SLC4A4: variants seen among roughly 807,000 people sequenced by gnomAD.
SLC4A4 encodes the protein solute carrier family 4 member 4, also known as electrogenic sodium bicarbonate cotransporter 1.
In SLC4A4, 27 loss-of-function variants were observed where a neutral mutation model predicts 111.5. The ratio of observed to expected loss-of-function variants is 0.24; its 90% CI spans 0.18 to 0.33. The LOEUF is 0.33. Ranked by LOEUF, SLC4A4 falls within the 10% of genes least tolerant of loss-of-function variation. The probability of loss-of-function intolerance (pLI) is 1.00; values close to 1 mark genes in which losing one functional copy is unlikely to be tolerated. For synonymous variants in SLC4A4, 443 were observed against 463.4 expected (o/e 0.96, Z 0.57); for missense variants, 909 against 1,315.5 (o/e 0.69, Z 4.78).
At chr4:71,391,341 A>G (rs752705045) in intron 6 of SLC4A4, among the ~76,000 whole-genome samples, 3 of 152,062 alleles carry the variant, frequency 2.0e-5, no homozygotes, top group Non-Finnish European at 2.9e-5. Flanking sequence ...TTGGCTCATT[A>G]TGGAGGTATG....
intron 1 of SLC4A4, among the ~76,000 whole-genome samples, chr4:71,221,555 A>T (rs1718745600): frequency 1.3e-5 from 2 of 152,290 alleles, no homozygotes; most frequent in East Asian, 3.9e-4. Context: ...TGGGTGTTAA[A>T]AAAAAACACC....
chr4:71,533,456 C>G (rs1166237377), intron 17 of SLC4A4, among the ~76,000 whole-genome samples: 1 of 152,044 alleles, frequency 6.6e-6, no homozygotes, highest in African/African-American at 2.4e-5. Context: ...AAATAATTCA[C>G]AGTGTTCTAT....
Position 71,498,919 on chromosome 4 carries a change from T to C in SLC4A4, c.2166+1227T>C, listed in dbSNP as rs369949485. ...CTGTACTTTGCAGATAGTTACTGTT[T>C]TCCCAGCTCTGTGTTGTCTAAGAAT... is the stretch of plus-strand genomic sequence containing the variant. On this transcript the variant is annotated intron_variant, in intron 16 of 25. Transcript: ENST00000264485. 2.6e-5 allele frequency among the ~76,000 whole-genome samples: 4 copies of C among 152,178 alleles called. No individual in the cohort carries two copies. In the East Asian group the frequency reaches 5.8e-4, roughly 22 times the overall value.
chr4:71,103,862 C>G (rs1307101671), intron 2 of SLC4A4, among the ~76,000 whole-genome samples: 1 of 144,330 alleles, frequency 6.9e-6, no homozygotes, highest in African/African-American at 2.6e-5. Context: ...ATTAAAAGAA[C>G]TAGAAAAGCA....
intron 7 of SLC4A4, among the ~76,000 whole-genome samples, chr4:71,430,539 T>C (rs973311999): frequency 2.6e-5 from 4 of 152,172 alleles, no homozygotes; most frequent in African/African-American, 7.2e-5. Flanking sequence ...GTATCTGGGC[T>C]CTGCAGTAGA....
intron 7 of SLC4A4, among the ~76,000 whole-genome samples, chr4:71,400,449 G>A (rs1720252244): frequency 6.6e-6 from 1 of 152,150 alleles, no homozygotes; most frequent in African/African-American, 2.4e-5. Context: ...TAGATGAAGC[G>A]AGGAAAATTT....
intron 20 of SLC4A4, among the ~76,000 whole-genome samples, chr4:71,549,273 G>T (rs1162560005): frequency 2.0e-5 from 3 of 151,840 alleles, no homozygotes; most frequent in African/African-American, 7.3e-5. Context: ...TATCCTATAG[G>T]CACCAGCACA....
Position 71,531,754 on chromosome 4 carries a change from T to TACACAC in SLC4A4, c.2167-262_2167-257dup, listed in dbSNP as rs56164928. Among the ~76,000 whole-genome samples the TACACAC allele has an allele frequency of 3.3e-3, 424 of 128,196 alleles. 4 individuals carry two copies. The highest frequency in any genetic ancestry group is 0.012 in the African/African-American group (409 of 33,578). 84.1% of individuals were successfully genotyped at this position (128,196 alleles called of 152,430 possible). A position where few individuals can be genotyped will look rare whatever the true frequency, so the allele number is the denominator to read the frequency against. On this transcript the variant is annotated intron_variant, in intron 16 of 25. Transcript: ENST00000264485. Reference sequence around the variant, plus strand: ...GTTCTATTTGATTGCCCTCCCTGCCTACACACACACACACACACACACACA... The same window carrying TACACAC: ...GTTCTATTTGATTGCCCTCCCTGCCTACACACACACACACACACACACACACACACA...
chr4:71,270,860 C>T (rs891394184), intron 3 of SLC4A4, among the ~76,000 whole-genome samples: 22 of 152,216 alleles, frequency 1.4e-4, no homozygotes, highest in African/African-American at 5.1e-4. Flanking sequence ...ATGGTCTCAT[C>T]TGCACTGTCT....
At chr4:71,227,385 G>A (rs1719120213) in intron 1 of SLC4A4, among the ~76,000 whole-genome samples, 1 of 152,162 alleles carries the variant, frequency 6.6e-6, no homozygotes, top group South Asian at 2.1e-4. Context: ...AGATACCAAA[G>A]TGTGTTTTAT....
At chr4:71,426,504 G>T (rs569509945) in intron 7 of SLC4A4, among the ~76,000 whole-genome samples, 2 of 152,258 alleles carry the variant, frequency 1.3e-5, no homozygotes, top group African/African-American at 4.8e-5. Flanking sequence ...ATTAACCAAA[G>T]AAGCCAATTG....
intron 1 of SLC4A4, among the ~76,000 whole-genome samples, chr4:71,221,698 A>G (rs564929253): frequency 6.6e-6 from 1 of 152,208 alleles, no homozygotes; most frequent in Admixed American, 6.5e-5. Flanking sequence ...AACTTGAGTC[A>G]TGAACTTTGG....
intron 1 of SLC4A4, among the ~76,000 whole-genome samples, chr4:71,225,173 GAA>G (rs1476296560): frequency 1.3e-5 from 2 of 152,090 alleles, no homozygotes; most frequent in Non-Finnish European, 2.9e-5. Flanking sequence ...CCAACATGGT[GAA>G]ACCCCATCTC....
At chr4:71,291,119 A>G (rs1364160649) in intron 3 of SLC4A4, among the ~76,000 whole-genome samples, 1 of 152,238 alleles carries the variant, frequency 6.6e-6, no homozygotes, top group Non-Finnish European at 1.5e-5. Flanking sequence ...CTAGTTGAAT[A>G]AATGGAGGTG....
At chr4:71,123,462 T>G (rs530646139) in intron 2 of SLC4A4, among the ~76,000 whole-genome samples, 35 of 152,262 alleles carry the variant, frequency 2.3e-4, no homozygotes, top group African/African-American at 8.4e-4. Flanking sequence ...AAAAAATGAA[T>G]TCAAACCCAT....
At position 71,087,263 on chromosome 4, in the gene SLC4A4, AT is replaced by A. The variant is rs200923395; in HGVS notation, c.-64-5458del. On this transcript the variant is annotated intron_variant, in intron 1 of 26. Coordinates refer to the SLC4A4 transcript ENST00000649996. ...GATCAGTGGTGATATCCCCTTTATC[AT>A]TTTTTTTTGCATCTATTTGAGTCTT... is the stretch of plus-strand genomic sequence containing the variant. Among the ~76,000 whole-genome samples the A allele has an allele frequency of 8.3e-4, 123 of 148,772 alleles. 1 individual carries two copies. The highest frequency in any genetic ancestry group is 3.5e-3 in the Middle Eastern group (1 of 288).
chr4:71,138,811 C>T (rs947855465), intron 2 of SLC4A4, among the ~76,000 whole-genome samples: 12 of 151,950 alleles, frequency 7.9e-5, no homozygotes, highest in Admixed American at 1.3e-4. Context: ...CCAAGGAGGG[C>T]GGATCACGAG....
intron 6 of SLC4A4, among the ~76,000 whole-genome samples, chr4:71,387,622 GT>G (rs1718872310): frequency 6.6e-6 from 1 of 152,084 alleles, no homozygotes; most frequent in Non-Finnish European, 1.5e-5. Flanking sequence ...AGCCTCCCGA[GT>G]AGCTGGGATT....
At chr4:71,128,349 C>A (rs140141090) in intron 2 of SLC4A4, among the ~76,000 whole-genome samples, 3,073 of 152,234 alleles carry the variant, frequency 0.02, 114 homozygotes, top group African/African-American at 0.071. Context: ...GAAAGACCCG[C>A]CCCCATGATT....
Sources: gnomAD v4.1 joint callset for allele counts (sites outside exome capture counted in the v4.1 genomes callset) on GRCh38, gnomAD v4.1.1 for gene constraint, MANE v1.5 for transcripts, NCBI Gene and HGNC (gene_info 2026-07-23, HGNC 2026-07-21) for gene names.